Variants in GBP7 observed in about 807,000 individuals in gnomAD.
GBP7 encodes guanylate binding protein 7.
Under a neutral mutation model 61.3 loss-of-function variants are expected in GBP7, and 43 were observed. That is an observed-to-expected ratio of 0.70 (90% CI 0.55 to 0.91). The LOEUF (loss-of-function observed/expected upper bound fraction) is 0.91, where lower values mean the gene tolerates loss of function less well. Ranked by LOEUF, GBP7 falls within the 40% of genes least tolerant of loss-of-function variation. The probability of loss-of-function intolerance (pLI) is 0.00; values close to 1 mark genes in which losing one functional copy is unlikely to be tolerated. For missense variants in GBP7, 717 were observed against 740.5 expected, an observed-to-expected ratio of 0.97 and a Z score of 0.37; for synonymous variants, 267 against 271.0, an observed-to-expected ratio of 0.99 and a Z score of 0.14.
intron 3 of GBP7, among the ~76,000 whole-genome samples, chr1:89,160,434 ACACAGATTT>A (rs1367918674): frequency 1.3e-5 from 2 of 152,172 alleles, no homozygotes; most frequent in African/African-American, 4.8e-5. Context: ...AAAGTGAAGA[ACACAGATTT>A]CACAGATGGG....
intron 3 of GBP7, among the ~76,000 whole-genome samples, chr1:89,154,453 T>G (rs954990692): frequency 2.6e-5 from 4 of 152,068 alleles, no homozygotes; most frequent in African/African-American, 9.7e-5. Flanking sequence ...TTCAAGCAAT[T>G]CTTCCACCTC....
chr1:89,145,789 A>G (rs1297606262), intron 8 of GBP7, among the ~76,000 whole-genome samples: 1 of 152,214 alleles, frequency 6.6e-6, no homozygotes, highest in Non-Finnish European at 1.5e-5. Context: ...TACTCTGTCA[A>G]TCATAAAATG....
At chr1:89,133,561 AC>A (rs1489466653) in intron 9 of GBP7, 110 bp from the exon 10 acceptor site, 2 of 826,076 alleles carry the variant, frequency 2.4e-6, no homozygotes, top group African/African-American at 3.4e-5. Context: ...GAGAGACCAG[AC>A]CGTAAAGAAG....
At chr1:89,153,269 A>G (rs550557540) in intron 3 of GBP7, among the ~76,000 whole-genome samples, 1 of 152,338 alleles carries the variant, frequency 6.6e-6, no homozygotes, top group South Asian at 2.1e-4. Flanking sequence ...TTGGTTGTTC[A>G]TTCACTATTT....
chr1:89,164,987 A>ATAAT, intron 2 of GBP7, 129 bp from the exon 3 acceptor site: 1 of 825,584 alleles, frequency 1.2e-6, no homozygotes, highest in Non-Finnish European at 1.9e-6. Context: ...TTCAGCAAAG[A>ATAAT]CAATCAATCA....
At chr1:89,175,488 C>T (rs61798772) in intron 1 of GBP7, among the ~76,000 whole-genome samples, 2,860 of 152,170 alleles carry the variant, frequency 0.019, 35 homozygotes, top group Non-Finnish European at 0.027. Flanking sequence ...AATCAGTCAC[C>T]GGCTCAGAAA....
At chr1:89,168,598 T>G (rs1446904130) in intron 2 of GBP7, among the ~76,000 whole-genome samples, 3 of 152,108 alleles carry the variant, frequency 2.0e-5, no homozygotes, top group African/African-American at 7.2e-5. Flanking sequence ...TATACTCATT[T>G]GAGACTGATT....
rs148864651 is a variant in GBP7, at chr1:89,149,218, G to A, written c.1152+74C>T. 1.0e-3 allele frequency: 1,283 copies of A among 1,261,718 alleles called. 7 individuals are homozygous for A. In the African/African-American group the frequency reaches 0.017, roughly 17 times the overall value. 78.2% of individuals were successfully genotyped at this position (1,261,718 alleles called of 1,614,324 possible). A position where few individuals can be genotyped will look rare whatever the true frequency, so the allele number is the denominator to read the frequency against. Reference sequence around the variant, plus strand: ...TACTACAAGAAGGAGATGAACCATGGCATTAAAAAGGTGGACTATAAGTAT... The same window carrying A: ...TACTACAAGAAGGAGATGAACCATGACATTAAAAAGGTGGACTATAAGTAT... On this transcript the variant is annotated intron_variant, in intron 7 of 10. Coordinates refer to ENST00000294671, the MANE Select transcript of GBP7 (RefSeq NM_207398.3).
chr1:89,170,996 A>G (rs1473590970), intron 2 of GBP7, among the ~76,000 whole-genome samples: 4 of 152,338 alleles, frequency 2.6e-5, no homozygotes, highest in African/African-American at 4.8e-5. Flanking sequence ...CAACTGGCGT[A>G]TATGTCTCCT....
At chr1:89,154,116 A>G (rs1682262273) in intron 3 of GBP7, among the ~76,000 whole-genome samples, 2 of 152,320 alleles carry the variant, frequency 1.3e-5, no homozygotes, top group South Asian at 4.1e-4. Context: ...GCCAACAAGT[A>G]ATTTTGCTTC....
intron 2 of GBP7, among the ~76,000 whole-genome samples, chr1:89,165,200 A>G (rs1043637612): frequency 1.2e-4 from 18 of 152,162 alleles, no homozygotes; most frequent in Non-Finnish European, 2.5e-4. Context: ...CAAGGTGATG[A>G]TATTAAGAAG....
At chr1:89,159,826 A>G (rs1043604952) in intron 3 of GBP7, among the ~76,000 whole-genome samples, 3 of 152,242 alleles carry the variant, frequency 2.0e-5, no homozygotes, top group African/African-American at 7.2e-5. Context: ...ATCTACAACT[A>G]GAAATACCAT....
At position 89,147,607 on chromosome 1, in the gene GBP7, ATCT is replaced by A. The variant is rs1427109519; in HGVS notation, c.1322_1324del (p.Lys441del). On this transcript the variant is annotated inframe_deletion, in exon 8 of 11. Transcript: ENST00000294671. ...GGGCACTAGTGTATAGTCCTGTTCA[ATCT>A]TCTTTTTTGCTTCTAAGTAGATATT... is the stretch of plus-strand genomic sequence containing the variant. 8.7e-6 allele frequency: 14 copies of A among 1,613,938 alleles called. No homozygotes were observed. The highest frequency in any genetic ancestry group is 1.0e-5 in the Non-Finnish European group (12 of 1,179,980).
In GBP7 at chr1:89,147,683, A is replaced by G. The variant is rs770051754; in HGVS notation, c.1249T>C (p.Leu417=). ...QAELKRLSEL[L]TESISRGTFF... ...GTTCCTCTTGAAATACTTTCTGTCA[A>G]GAGCTCTGAAAGCCGCTTAAGCTCA... is the stretch of plus-strand genomic sequence containing the variant. Residue 417 remains leucine (L), a synonymous_variant, in exon 8 of 11, where the codon TTG becomes CTG. Transcript: ENST00000294671. 9.9e-6 allele frequency: 16 copies of G among 1,614,072 alleles called. No individual in the cohort carries two copies. The Admixed American group carries it at 2.2e-4, about 22-fold the overall frequency.
At chr1:89,133,538 A>G (rs1408359391) in intron 9 of GBP7, 87 bp from the exon 10 acceptor site, 1 of 1,080,172 alleles carries the variant, frequency 9.3e-7, no homozygotes, top group Admixed American at 2.0e-5. Flanking sequence ...AGTCAGGAAG[A>G]GCTTCTCCCA....
chr1:89,133,694 A>G (rs1681730147), intron 9 of GBP7, among the ~76,000 whole-genome samples: 1 of 151,960 alleles, frequency 6.6e-6, no homozygotes, highest in African/African-American at 2.4e-5. Context: ...AAGCACCAAG[A>G]CTCATTCCTA....
chr1:89,167,713 A>T (rs904517565), intron 2 of GBP7, among the ~76,000 whole-genome samples: 1 of 152,216 alleles, frequency 6.6e-6, no homozygotes, highest in Non-Finnish European at 1.5e-5. Context: ...TGCCACACTT[A>T]AGAAAATGTC....
chr1:89,173,125 G>GA (rs1229490511), intron 1 of GBP7, among the ~76,000 whole-genome samples: 1 of 151,670 alleles, frequency 6.6e-6, no homozygotes, highest in Non-Finnish European at 1.5e-5. Context: ...ACGTATTCTA[G>GA]AAAAAATATC....
rs1306257208 is a variant in GBP7, at chr1:89,171,942, G to A, written c.-7C>T. Reference sequence around the variant, plus strand: ...TGTGGATCTCTGATGCCATGTTCAGGGCGTTCCTCTGTCTGCAAGGAAAAA... The same window carrying A: ...TGTGGATCTCTGATGCCATGTTCAGAGCGTTCCTCTGTCTGCAAGGAAAAA... On this transcript the variant is annotated 5_prime_UTR_variant, in exon 2 of 11. Transcript: ENST00000294671. 1 of 1,606,196 alleles carries A rather than the reference G, an allele frequency of 6.2e-7. No homozygotes were observed. Among genetic ancestry groups the A allele is most frequent in the Non-Finnish European group, 8.5e-7 (1 of 1,174,526 alleles).
Sources: allele counts gnomAD v4.1 joint callset (sites outside exome capture counted in the v4.1 genomes callset), GRCh38; gene constraint gnomAD v4.1.1; transcripts MANE v1.5; gene names NCBI Gene and HGNC (gene_info 2026-07-23, HGNC 2026-07-21).